Variants in LHFPL3 observed in about 807,000 individuals in gnomAD.
LHFPL3 encodes the protein LHFPL tetraspan subfamily member 3 protein.
A neutral mutation model predicts 19.3 loss-of-function variants in LHFPL3; 5 were observed. That is an observed-to-expected ratio of 0.26 (90% confidence interval 0.14 to 0.54). The LOEUF (loss-of-function observed/expected upper bound fraction) is 0.54, where lower values mean the gene tolerates loss of function less well. LHFPL3 is among the 20% of genes least tolerant of loss of function. The pLI is 0.94. For missense variants in LHFPL3, 249 were observed against 307.4 expected (o/e 0.81, Z 1.42); for synonymous variants, 133 against 126.2 (o/e 1.05, Z -0.36).
At chr7:104,395,031 C>G (rs539798601) in intron 1 of LHFPL3, among the ~76,000 whole-genome samples, 6 of 151,890 alleles carry the variant, frequency 4.0e-5, no homozygotes, top group African/African-American at 1.5e-4. Context: ...CCCAAGCTAC[C>G]GTATGCTGTA....
intron 2 of LHFPL3, 120 bp from the exon 3 acceptor site, chr7:104,906,067 C>A: frequency 1.1e-6 from 1 of 898,382 alleles, no homozygotes; most frequent in Non-Finnish European, 1.8e-6. Flanking sequence ...TGCATTTGAA[C>A]CATTCATTGG....
intron 1 of LHFPL3, among the ~76,000 whole-genome samples, chr7:104,649,624 T>C (rs1791993787): frequency 1.3e-5 from 2 of 152,238 alleles, no homozygotes; most frequent in South Asian, 2.1e-4. Flanking sequence ...ATTTCAGATT[T>C]TGAAAAACTA....
At chr7:104,728,834 G>A (rs773973565) in intron 1 of LHFPL3, among the ~76,000 whole-genome samples, 32 of 152,020 alleles carry the variant, frequency 2.1e-4, no homozygotes, top group Non-Finnish European at 2.9e-4. Context: ...ACAGTGCTTG[G>A]TACTTCATAG....
intron 1 of LHFPL3, among the ~76,000 whole-genome samples, chr7:104,349,632 T>C (rs1031371522): frequency 2.0e-5 from 3 of 152,224 alleles, no homozygotes; most frequent in Non-Finnish European, 4.4e-5. Context: ...GATGACAGGT[T>C]GATGGGTGCA....
chr7:104,679,301 T>A (rs1034691221), intron 1 of LHFPL3, among the ~76,000 whole-genome samples: 1 of 152,204 alleles, frequency 6.6e-6, no homozygotes, highest in African/African-American at 2.4e-5. Context: ...AGCAGTTGGG[T>A]TCCCCCAGTA....
chr7:104,756,658 C>G lies in LHFPL3; in HGVS notation c.682+19747C>G, dbSNP rs564391396. Reference sequence around the variant, plus strand: ...GGGATTACAGGCATGCTCCACCACACCTGGCTAATTTTTATATTTTTAGTA... The same window carrying G: ...GGGATTACAGGCATGCTCCACCACAGCTGGCTAATTTTTATATTTTTAGTA... On this transcript the variant is annotated intron_variant, in intron 2 of 2. Transcript: ENST00000424859. Among the ~76,000 whole-genome samples the G allele has an allele frequency of 5.8e-4, 89 of 152,256 alleles. 1 individual carries two copies. The South Asian group carries it at 0.017, about 29-fold the overall frequency.
chr7:104,445,306 A>C (rs1164815030), intron 1 of LHFPL3, among the ~76,000 whole-genome samples: 3 of 149,626 alleles, frequency 2.0e-5, no homozygotes, highest in Non-Finnish European at 4.4e-5. Context: ...AGTCAAGGAC[A>C]TCAGTTCTGG....
At chr7:104,631,364 C>G (rs1375798946) in intron 1 of LHFPL3, among the ~76,000 whole-genome samples, 1 of 151,962 alleles carries the variant, frequency 6.6e-6, no homozygotes, top group East Asian at 1.9e-4. Flanking sequence ...CCCAACTCTA[C>G]CCCCTCCAGA....
intron 1 of LHFPL3, among the ~76,000 whole-genome samples, chr7:104,521,648 G>C (rs28890834): frequency 0.016 from 2,393 of 152,112 alleles, 65 homozygotes; most frequent in African/African-American, 0.055. Flanking sequence ...ATCTGACAAA[G>C]GGCTAATATC....
At chr7:104,648,262 C>G (rs1791966961) in intron 1 of LHFPL3, among the ~76,000 whole-genome samples, 1 of 152,152 alleles carries the variant, frequency 6.6e-6, no homozygotes, top group Admixed American at 6.5e-5. Flanking sequence ...ATCATCACAG[C>G]TATGGGTACT....
intron 2 of LHFPL3, among the ~76,000 whole-genome samples, chr7:104,765,554 T>A: frequency 6.6e-6 from 1 of 152,204 alleles, no homozygotes; most frequent in East Asian, 1.9e-4. Flanking sequence ...TCAACCTACC[T>A]TTTGCAAAGA....
chr7:104,877,112 A>G (rs2116673575), intron 2 of LHFPL3, among the ~76,000 whole-genome samples: 1 of 152,066 alleles, frequency 6.6e-6, no homozygotes, highest in Non-Finnish European at 1.5e-5. Flanking sequence ...AACATCACAC[A>G]CCGGGGCCTG....
chr7:104,408,397 G>T (rs1441822374), intron 1 of LHFPL3, among the ~76,000 whole-genome samples: 1 of 150,324 alleles, frequency 6.7e-6, no homozygotes. Flanking sequence ...TTTCACATAT[G>T]AATTTGTGGT....
chr7:104,814,645 C>G (rs1338886600), intron 2 of LHFPL3, among the ~76,000 whole-genome samples: 1 of 152,200 alleles, frequency 6.6e-6, no homozygotes, highest in Non-Finnish European at 1.5e-5. Flanking sequence ...TTCATGACAT[C>G]CAGGCTATAG....
chr7:104,328,677 G>A lies in LHFPL3; in HGVS notation c.-103G>A. On this transcript the variant is annotated 5_prime_UTR_variant, in exon 1 of 3. Coordinates refer to ENST00000424859, the MANE Select transcript of LHFPL3 (RefSeq NM_199000.3). This position sits in a 1 kb window ranked among gnomAD's most constrained non-coding sequence, Gnocchi z 4.6. ...GCTGCTGGGCTGAGGCGGAGGCAGG[G>A]GAGTTGCAGCGCGCGAGGCTCCGTG... The A allele has an allele frequency of 1.0e-6, 1 of 980,194 alleles. No individual in the cohort carries two copies. The highest frequency in any genetic ancestry group is 1.5e-6 in the Non-Finnish European group (1 of 657,360). The allele number at this position is 980,194 out of a possible 1,614,324, so 60.7% of individuals were successfully genotyped here.
rs554041883 is a variant in LHFPL3, at chr7:104,387,683, A to C, written c.445+58459A>C. 4.6e-5 allele frequency among the ~76,000 whole-genome samples: 7 copies of C among 152,340 alleles called. No individual in the cohort carries two copies. The South Asian group carries it at 1.5e-3, about 32-fold the overall frequency. ...TTTGGCCAAAAATTTCCTAAATTTG[A>C]TGAAAAACATCTATCTAGACAGCCA... On this transcript the variant is annotated intron_variant, in intron 1 of 2. Transcript: ENST00000424859.
At chr7:104,422,309 C>T (rs1056528322) in intron 1 of LHFPL3, among the ~76,000 whole-genome samples, 18 of 152,214 alleles carry the variant, frequency 1.2e-4, no homozygotes, top group African/African-American at 4.3e-4. Context: ...TGCAGTGAGC[C>T]GAGATTGTGC....
In LHFPL3 at chr7:104,396,380, A is replaced by G. The variant is rs141640001; in HGVS notation, c.445+67156A>G. Among the ~76,000 whole-genome samples the G allele has an allele frequency of 3.3e-5, 5 of 152,282 alleles. No individual in the cohort carries two copies. In the East Asian group the frequency reaches 7.7e-4, roughly 24 times the overall value. ...TGACACAAGAGACATGAAAGCCCAGAGATGAAGGTCTCCAGAGCAGCGGCT... is the reference window on the plus strand; with the variant it reads ...TGACACAAGAGACATGAAAGCCCAGGGATGAAGGTCTCCAGAGCAGCGGCT... On this transcript the variant is annotated intron_variant, in intron 1 of 2. Transcript: ENST00000424859.
chr7:104,522,845 G>A (rs1261224437), intron 1 of LHFPL3, among the ~76,000 whole-genome samples: 3 of 152,082 alleles, frequency 2.0e-5, no homozygotes, highest in African/African-American at 4.8e-5. Context: ...AGATCAGCAG[G>A]ACCTTCCAAG....
Sources: allele counts gnomAD v4.1 joint callset (sites outside exome capture counted in the v4.1 genomes callset), GRCh38; gene constraint gnomAD v4.1.1; non-coding constraint Gnocchi (gnomAD v3.1); transcripts MANE v1.5; gene names NCBI Gene and HGNC (gene_info 2026-07-23, HGNC 2026-07-21).